The following KAZN variants were observed in gnomAD, a reference collection of about 807,000 sequenced individuals.
KAZN encodes the protein kazrin, periplakin interacting protein.
A neutral mutation model predicts 87.4 loss-of-function variants in KAZN; 40 were observed. The ratio of observed to expected loss-of-function variants is 0.46; its 90% CI spans 0.36 to 0.60. The LOEUF (loss-of-function observed/expected upper bound fraction) is 0.60, where lower values mean the gene tolerates loss of function less well. Ranked by LOEUF, KAZN falls within the 20% of genes least tolerant of loss-of-function variation. The pLI, the probability that KAZN is intolerant of heterozygous loss-of-function variation, is 0.00. For missense variants in KAZN, 898 were observed against 1,073.9 expected (o/e 0.84, Z 2.29); for synonymous variants, 466 against 458.3 (o/e 1.02, Z -0.22).
At chr1:14,409,167 G>A (rs1345896151) in intron 2 of KAZN, among the ~76,000 whole-genome samples, 2 of 152,120 alleles carry the variant, frequency 1.3e-5, no homozygotes, top group African/African-American at 4.8e-5. Context: ...AAATACAGTA[G>A]GCATTGTTTT....
At chr1:13,918,128 T>C (rs1639927986) in intron 1 of KAZN, among the ~76,000 whole-genome samples, 1 of 152,220 alleles carries the variant, frequency 6.6e-6, no homozygotes, top group African/African-American at 2.4e-5. Flanking sequence ...AGATGTACGC[T>C]CTGTAAGGCT....
At chr1:14,687,950 G>C (rs531707783) in intron 1 of KAZN, among the ~76,000 whole-genome samples, 1 of 152,314 alleles carries the variant, frequency 6.6e-6, no homozygotes, top group South Asian at 2.1e-4. Context: ...GTGGTGCCCA[G>C]TGCCCACGGC....
chr1:14,055,819 A>G (rs1358440148), intron 1 of KAZN, among the ~76,000 whole-genome samples: 2 of 152,152 alleles, frequency 1.3e-5, no homozygotes, highest in East Asian at 3.8e-4. Context: ...ACAACAGAAA[A>G]ATCAGCCTCC....
intron 1 of KAZN, among the ~76,000 whole-genome samples, chr1:14,903,043 A>G (rs922052200): frequency 1.3e-5 from 2 of 151,716 alleles, no homozygotes; most frequent in African/African-American, 2.4e-5. Context: ...TAATTTTTGT[A>G]TTTTTAGTAG....
chr1:13,909,310 C>T (rs531937553), intron 1 of KAZN, among the ~76,000 whole-genome samples: 4 of 152,222 alleles, frequency 2.6e-5, no homozygotes, highest in South Asian at 4.2e-4. Flanking sequence ...GAGTCTTTCT[C>T]CTTCCTGGGA....
chr1:14,114,277 G>T (rs181547759), intron 1 of KAZN, among the ~76,000 whole-genome samples: 2 of 152,136 alleles, frequency 1.3e-5, no homozygotes, highest in Non-Finnish European at 2.9e-5. Flanking sequence ...CAGCTGCTGC[G>T]TGGGGGGCCG....
In KAZN at chr1:15,099,975, T is replaced by G. The variant is rs514137; in HGVS notation, c.1548-1568T>G. On this transcript the variant is annotated intron_variant, in intron 10 of 14. Coordinates refer to ENST00000376030, the MANE Select transcript of KAZN (RefSeq NM_201628.3). This position sits in a 1 kb window ranked among gnomAD's most constrained non-coding sequence, Gnocchi z 5.4. ...AAGGGCCCCTGGGTGACGGTGACAGTGACAGTGAAGGGGAACAACTGAGCC... is the reference window on the plus strand; with the variant it reads ...AAGGGCCCCTGGGTGACGGTGACAGGGACAGTGAAGGGGAACAACTGAGCC... 0.56 allele frequency among the ~76,000 whole-genome samples: 84,499 copies of G among 151,836 alleles called. 23,969 individuals carry two copies. Among genetic ancestry groups the G allele is most frequent in the East Asian group, 0.93 (4,808 of 5,146 alleles).
intron 1 of KAZN, among the ~76,000 whole-genome samples, chr1:14,103,887 C>T (rs1032823670): frequency 2.7e-5 from 4 of 150,354 alleles, no homozygotes; most frequent in Non-Finnish European, 4.5e-5. Context: ...GCCTACAACA[C>T]TCCCCAAACC....
At position 14,131,771 on chromosome 1, in the gene KAZN, G is replaced by C. The variant is rs566136994; in HGVS notation, c.92-48664G>C. On this transcript the variant is annotated intron_variant, in intron 1 of 16. Coordinates refer to the KAZN transcript ENST00000636203. ...AGGGTTCAGGTGAGGCTTGATTCAG[G>C]GCTCAAAGGATATCACCAAGCTTCA... 2.0e-5 allele frequency among the ~76,000 whole-genome samples: 3 copies of C among 152,078 alleles called. No homozygotes were observed. In the East Asian group the frequency reaches 5.8e-4, roughly 30 times the overall value.
At chr1:13,910,243 T>C (rs1283351170) in intron 1 of KAZN, among the ~76,000 whole-genome samples, 1 of 152,098 alleles carries the variant, frequency 6.6e-6, no homozygotes, top group Non-Finnish European at 1.5e-5. Flanking sequence ...GTGTGGTGGC[T>C]GACGCCTGTA....
chr1:14,145,582 AT>A (rs1645330757), intron 1 of KAZN, among the ~76,000 whole-genome samples: 1 of 151,924 alleles, frequency 6.6e-6, no homozygotes, highest in Non-Finnish European at 1.5e-5. Context: ...ATAAGACAGT[AT>A]ACCTTTTTTT....
chr1:14,989,971 C>T (rs1667193188), intron 2 of KAZN, among the ~76,000 whole-genome samples: 1 of 152,178 alleles, frequency 6.6e-6, no homozygotes, highest in South Asian at 2.1e-4. Flanking sequence ...GGGGTGTGCA[C>T]ACTCTGTCTT....
At chr1:14,290,524 C>A (rs1653599138) in intron 2 of KAZN, among the ~76,000 whole-genome samples, 1 of 152,120 alleles carries the variant, frequency 6.6e-6, no homozygotes, top group South Asian at 2.1e-4. Context: ...TTTTCAGCTC[C>A]ATCAGGTCAT....
At chr1:14,535,677 T>C (rs944151853) in intron 2 of KAZN, among the ~76,000 whole-genome samples, 1 of 141,050 alleles carries the variant, frequency 7.1e-6, no homozygotes, top group African/African-American at 2.6e-5. Flanking sequence ...AAAAAAAAAA[T>C]AAAAATAAAA....
chr1:15,009,676 C>T (rs909496051), intron 2 of KAZN, among the ~76,000 whole-genome samples: 2 of 152,344 alleles, frequency 1.3e-5, no homozygotes, highest in South Asian at 4.1e-4. Context: ...CCATTTGGAC[C>T]ACTGGGCAGA....
At chr1:14,364,517 G>C (rs9887814) in intron 2 of KAZN, among the ~76,000 whole-genome samples, 112,474 of 152,056 alleles carry the variant, frequency 0.74, 42,810 homozygotes, top group Non-Finnish European at 0.81. Flanking sequence ...GAGTTATTTA[G>C]CATAACAGTA....
intron 1 of KAZN, among the ~76,000 whole-genome samples, chr1:13,938,644 A>G (rs1640827776): frequency 6.6e-6 from 1 of 152,214 alleles, no homozygotes; most frequent in Non-Finnish European, 1.5e-5. Context: ...GGCGAAGGAA[A>G]ACGTGGGATT....
rs1660838182 is a variant in KAZN at position 14,939,662 on chromosome 1, A to G, written c.227-21022A>G. Among the ~76,000 whole-genome samples, 8 of 152,098 alleles carry G rather than the reference A, an allele frequency of 5.3e-5. No individual in the cohort carries two copies. The South Asian group carries it at 1.7e-3, about 32-fold the overall frequency. On this transcript the variant is annotated intron_variant, in intron 1 of 14. Transcript: ENST00000376030. ...CTCTTGCATAGGGTGGAGTGTGTGT[A>G]CTTGAGGGTGTGCATTCTCGGGCAC... is the stretch of plus-strand genomic sequence containing the variant.
At chr1:14,799,693 T>C (rs1645946265) in intron 1 of KAZN, among the ~76,000 whole-genome samples, 1 of 152,226 alleles carries the variant, frequency 6.6e-6, no homozygotes, top group Admixed American at 6.5e-5. Flanking sequence ...CGTGCGATGG[T>C]GGGCTCAGGA....
Sources: allele counts gnomAD v4.1 joint callset (sites outside exome capture counted in the v4.1 genomes callset), GRCh38; gene constraint gnomAD v4.1.1; non-coding constraint Gnocchi (gnomAD v3.1); transcripts MANE v1.5; gene names NCBI Gene and HGNC (gene_info 2026-07-23, HGNC 2026-07-21).